The following MECOM variants were observed in gnomAD, a reference collection of about 807,000 sequenced individuals.
The protein encoded by MECOM is MDS1 and EVI1 complex locus, also known as histone-lysine N-methyltransferase MECOM.
In MECOM, 13 loss-of-function variants were observed where a neutral mutation model predicts 116.3. The observed-to-expected ratio is 0.11, with a 90% CI of 0.07 to 0.18. The LOEUF is 0.18. MECOM is among the 10% of genes least tolerant of loss of function. The pLI, the probability that MECOM is intolerant of heterozygous loss-of-function variation, is 1.00. For synonymous variants in MECOM, 528 were observed against 535.2 expected (o/e 0.99, Z 0.19); for missense variants, 1,299 against 1,509.0 (o/e 0.86, Z 2.31).
In MECOM at chr3:169,099,113, GAA is replaced by G. The variant is rs534383915; in HGVS notation, c.2849+1770_2849+1771del. Among the ~76,000 whole-genome samples the G allele has an allele frequency of 3.0e-4, 30 of 100,108 alleles. 1 individual carries two copies. The highest frequency in any genetic ancestry group is 7.9e-4 in the East Asian group (3 of 3,804). The allele number at this position is 100,108 out of a possible 152,430, so 65.7% of individuals were successfully genotyped here. On this transcript the variant is annotated intron_variant, in intron 12 of 16. Coordinates refer to ENST00000651503, the MANE Select transcript of MECOM (RefSeq NM_004991.4). ...CTGTTCATTGGAATTCTTCTGCAAG[GAA>G]AAAAAAAAAAAAAAACCCAGAGGGG... is the stretch of plus-strand genomic sequence containing the variant.
At position 169,483,694 on chromosome 3, in the gene MECOM, C is replaced by A. The variant is rs912866126; in HGVS notation, c.38-102170G>T. 9.5e-6 allele frequency: 15 copies of A among 1,578,644 alleles called. No individual in the cohort carries two copies. In the Admixed American group the frequency reaches 1.7e-4, roughly 18 times the overall value. On this transcript the variant is annotated intron_variant, in intron 1 of 16. Transcript: ENST00000651503. ...ATTTAATCCTCGTCTTCCTCCTCTT[C>A]TTCGTCCTGGTTAATCTGGAAGTAA...
intron 12 of MECOM, among the ~76,000 whole-genome samples, chr3:169,100,519 G>A (rs1723233568): frequency 6.6e-6 from 1 of 152,098 alleles, no homozygotes; most frequent in African/African-American, 2.4e-5. Context: ...GGAAAAGGAA[G>A]GCTGCAAAGT....
intron 2 of MECOM, among the ~76,000 whole-genome samples, chr3:169,155,018 A>G (rs1201195390): frequency 6.6e-6 from 1 of 152,192 alleles, no homozygotes; most frequent in Non-Finnish European, 1.5e-5. Flanking sequence ...CCTAAGGACC[A>G]TTGTAAGATT....
chr3:169,300,239 A>T (rs978715174), intron 2 of MECOM, among the ~76,000 whole-genome samples: 1 of 152,242 alleles, frequency 6.6e-6, no homozygotes, highest in South Asian at 2.1e-4. Flanking sequence ...CTCTGTTAAT[A>T]AAGAGAATGC....
chr3:169,324,678 G>A (rs1347570997), intron 2 of MECOM, among the ~76,000 whole-genome samples: 1 of 152,224 alleles, frequency 6.6e-6, no homozygotes, highest in Non-Finnish European at 1.5e-5. Flanking sequence ...TGTCTTCCGT[G>A]TCACCTTATT....
chr3:169,648,601 T>C (rs1774467876), intron 1 of MECOM, among the ~76,000 whole-genome samples: 1 of 152,266 alleles, frequency 6.6e-6, no homozygotes. Context: ...ATGCACTGAT[T>C]TCTGTGCCAA....
chr3:169,455,444 T>A (rs937831936), intron 1 of MECOM, among the ~76,000 whole-genome samples: 1 of 152,204 alleles, frequency 6.6e-6, no homozygotes, highest in Admixed American at 6.6e-5. Flanking sequence ...AGAAAAACTT[T>A]GACAGTTGAA....
At chr3:169,208,722 A>C (rs1750291865) in intron 2 of MECOM, among the ~76,000 whole-genome samples, 1 of 152,040 alleles carries the variant, frequency 6.6e-6, no homozygotes, top group African/African-American at 2.4e-5. Context: ...AAAACATTCC[A>C]TCATGGACAG....
chr3:169,093,528 A>G (rs1312922589), intron 13 of MECOM, among the ~76,000 whole-genome samples: 2 of 152,200 alleles, frequency 1.3e-5, no homozygotes, highest in Non-Finnish European at 2.9e-5. Flanking sequence ...TTTGGCTACT[A>G]TGCTAAAGCA....
intron 4 of MECOM, among the ~76,000 whole-genome samples, chr3:169,130,217 T>C (rs1734204594): frequency 6.6e-6 from 1 of 152,158 alleles, no homozygotes. Context: ...TAAATAAAAA[T>C]AATTGTTTGA....
chr3:169,190,367 C>T (rs1339422421), intron 2 of MECOM, among the ~76,000 whole-genome samples: 1 of 151,978 alleles, frequency 6.6e-6, no homozygotes, highest in Non-Finnish European at 1.5e-5. Context: ...CATTCCAAAT[C>T]CCATTTCATA....
Position 169,663,399 on chromosome 3 carries a change from T to A in MECOM, c.-27A>T, listed in dbSNP as rs766288617. ...CTGTGCCCAGTCCTGCAGCCGCTGG[T>A]GTGTGGTTGGGGCTTTTTTTTCTTG... On this transcript the variant is annotated 5_prime_UTR_variant, in exon 1 of 17. Coordinates refer to ENST00000651503, the MANE Select transcript of MECOM (RefSeq NM_004991.4). 7 of 1,605,054 alleles carry A rather than the reference T, an allele frequency of 4.4e-6. No individual in the cohort carries two copies. The highest frequency in any genetic ancestry group is 1.7e-4 in the Middle Eastern group (1 of 5,822).
At chr3:169,276,851 T>C (rs1239907781) in intron 2 of MECOM, among the ~76,000 whole-genome samples, 1 of 152,270 alleles carries the variant, frequency 6.6e-6, no homozygotes, top group East Asian at 1.9e-4. Flanking sequence ...AAGCCTATAT[T>C]AAATAATTTG....
chr3:169,286,925 G>C (rs769631992), intron 2 of MECOM, among the ~76,000 whole-genome samples: 5 of 151,744 alleles, frequency 3.3e-5, no homozygotes, highest in African/African-American at 7.3e-5. Flanking sequence ...GAAATCACTG[G>C]GAAGGCAGCT....
In MECOM at chr3:169,485,837, A is replaced by G. The variant is rs570279610; in HGVS notation, c.38-104313T>C. 4.0e-3 allele frequency among the ~76,000 whole-genome samples: 562 copies of G among 140,350 alleles called. 6 individuals carry two copies. The highest frequency in any genetic ancestry group is 0.011 in the Middle Eastern group (3 of 280). The allele number at this position is 140,350 out of a possible 152,430, so 92.1% of individuals were successfully genotyped here. On this transcript the variant is annotated intron_variant, in intron 1 of 16. Coordinates refer to ENST00000651503, the MANE Select transcript of MECOM (RefSeq NM_004991.4). ...CCTCTAAATATATATATGTATATAT[A>G]TGTGTGTGTGTGTATATACCATATG...
chr3:169,261,650 G>T (rs150056973), intron 2 of MECOM, among the ~76,000 whole-genome samples: 18 of 152,228 alleles, frequency 1.2e-4, no homozygotes, highest in Admixed American at 2.0e-4. Context: ...GCAGTGAGCC[G>T]ATATCGTGCC....
At chr3:169,298,741 A>G (rs939407314) in intron 2 of MECOM, among the ~76,000 whole-genome samples, 10 of 152,162 alleles carry the variant, frequency 6.6e-5, no homozygotes, top group Non-Finnish European at 1.0e-4. Flanking sequence ...GTTTAGAGAC[A>G]TTGCAGCTGC....
chr3:169,104,046 C>CG (rs1393061929), intron 10 of MECOM, among the ~76,000 whole-genome samples: 2 of 152,146 alleles, frequency 1.3e-5, no homozygotes, highest in African/African-American at 4.8e-5. Context: ...ACTTGTCAGA[C>CG]GACAAATGTG....
chr3:169,483,016 T>A (rs943872440), intron 1 of MECOM, among the ~76,000 whole-genome samples: 1 of 152,134 alleles, frequency 6.6e-6, no homozygotes, highest in Non-Finnish European at 1.5e-5. Context: ...TGGTCCATAT[T>A]TTCCACTTGG....
Sources: allele counts gnomAD v4.1 joint callset (sites outside exome capture counted in the v4.1 genomes callset), GRCh38; gene constraint gnomAD v4.1.1; transcripts MANE v1.5; gene names NCBI Gene and HGNC (gene_info 2026-07-23, HGNC 2026-07-21).